Variants in PLA2G4A observed in about 807,000 individuals in gnomAD.
The protein encoded by PLA2G4A is cytosolic phospholipase A2.
A neutral mutation model predicts 81.9 loss-of-function variants in PLA2G4A; 40 were observed. That is an observed-to-expected ratio of 0.49 (90% confidence interval 0.38 to 0.64). PLA2G4A has a LOEUF of 0.64. Among genes scored for constraint, PLA2G4A ranks in the 30% least tolerant of loss-of-function variants. The pLI, the probability that PLA2G4A is intolerant of heterozygous loss-of-function variation, is 0.00. For missense variants in PLA2G4A, 715 were observed against 905.1 expected (o/e 0.79, Z 2.69); for synonymous variants, 302 against 296.9 (o/e 1.02, Z -0.18).
intron 7 of PLA2G4A, 91 bp from the exon 8 acceptor site, chr1:186,932,672 A>G: frequency 8.0e-7 from 1 of 1,253,972 alleles, no homozygotes. Context: ...GTGACAAAAT[A>G]TGGGATGTAT....
chr1:186,888,680 C>A (rs1047796356), intron 3 of PLA2G4A, among the ~76,000 whole-genome samples: 5 of 152,164 alleles, frequency 3.3e-5, no homozygotes, highest in African/African-American at 1.2e-4. Flanking sequence ...CCTATCAAGG[C>A]TGAACTGCTT....
At position 186,857,660 on chromosome 1, in the gene PLA2G4A, G is replaced by A. The variant is rs561713605; in HGVS notation, c.33+3273G>A. ...TAGGGTACATGTGCACAACGTGTAG[G>A]CTACATAGGTATATATTTGCCATGG... On this transcript the variant is annotated intron_variant, in intron 2 of 17. Coordinates refer to ENST00000367466, the MANE Select transcript of PLA2G4A (RefSeq NM_024420.3). Among the ~76,000 whole-genome samples, 4 of 150,082 alleles carry A rather than the reference G, an allele frequency of 2.7e-5. No individual in the cohort carries two copies. In the East Asian group the frequency reaches 7.8e-4, roughly 29 times the overall value.
chr1:186,877,705 CAAAAAAAAAAA>C (rs58954006), intron 3 of PLA2G4A, among the ~76,000 whole-genome samples: 2 of 86,914 alleles, frequency 2.3e-5, no homozygotes, highest in Non-Finnish European at 4.1e-5. Flanking sequence ...GGCTTACTCA[CAAAAAAAAAAA>C]AAAAAAAAAA....
intron 1 of PLA2G4A, among the ~76,000 whole-genome samples, chr1:186,829,886 G>C (rs925124145): frequency 6.6e-6 from 1 of 152,212 alleles, no homozygotes; most frequent in Non-Finnish European, 1.5e-5. Flanking sequence ...CATTTATTCA[G>C]CTAAGGCAGA....
chr1:186,915,072 A>G (rs1467392828), intron 7 of PLA2G4A, among the ~76,000 whole-genome samples: 2 of 152,156 alleles, frequency 1.3e-5, no homozygotes, highest in South Asian at 2.1e-4. Context: ...AGAGTTTTAA[A>G]TCCTCCTAGT....
chr1:186,960,001 T>A (rs1161989479), intron 14 of PLA2G4A, among the ~76,000 whole-genome samples: 1 of 152,138 alleles, frequency 6.6e-6, no homozygotes, highest in Non-Finnish European at 1.5e-5. Context: ...TGTGGGTGTT[T>A]TAGAATTAAA....
At chr1:186,973,538 C>T (rs1421469748) in intron 15 of PLA2G4A, among the ~76,000 whole-genome samples, 2 of 152,152 alleles carry the variant, frequency 1.3e-5, no homozygotes, top group Non-Finnish European at 2.9e-5. Context: ...CCATTCAACC[C>T]ACTACACTCA....
intron 7 of PLA2G4A, among the ~76,000 whole-genome samples, chr1:186,929,823 A>C (rs1421310239): frequency 1.3e-5 from 2 of 152,178 alleles, no homozygotes; most frequent in Admixed American, 6.5e-5. Context: ...GCAAGTTGGG[A>C]GGGCAAGGTG....
At chr1:186,943,463 G>T (rs572717357) in intron 10 of PLA2G4A, among the ~76,000 whole-genome samples, 1 of 152,232 alleles carries the variant, frequency 6.6e-6, no homozygotes, top group East Asian at 1.9e-4. Flanking sequence ...CCTCAAGAAA[G>T]TTATAATCCT....
intron 3 of PLA2G4A, among the ~76,000 whole-genome samples, chr1:186,878,858 TA>T (rs1289526458): frequency 6.6e-6 from 1 of 151,946 alleles, no homozygotes; most frequent in Admixed American, 6.6e-5. Context: ...AGTATGTGAT[TA>T]AAATCTAATG....
chr1:186,869,889 T>C (rs1653191628), intron 2 of PLA2G4A, among the ~76,000 whole-genome samples: 1 of 152,200 alleles, frequency 6.6e-6, no homozygotes, highest in Non-Finnish European at 1.5e-5. Context: ...ATGCAAGGTG[T>C]TAGGCTAATA....
intron 14 of PLA2G4A, among the ~76,000 whole-genome samples, chr1:186,963,592 C>T (rs1407913828): frequency 1.3e-5 from 2 of 152,096 alleles, no homozygotes; most frequent in African/African-American, 2.4e-5. Context: ...TATTCAAGAC[C>T]GTTATTCACA....
At chr1:186,986,174 G>A (rs1657885401) in intron 17 of PLA2G4A, among the ~76,000 whole-genome samples, 1 of 152,124 alleles carries the variant, frequency 6.6e-6, no homozygotes, top group African/African-American at 2.4e-5. Flanking sequence ...TTGCTCACTA[G>A]GAACACCAGC....
chr1:186,907,813 T>G (rs1654793986), intron 6 of PLA2G4A, among the ~76,000 whole-genome samples: 1 of 152,226 alleles, frequency 6.6e-6, no homozygotes, highest in Admixed American at 6.5e-5. Flanking sequence ...AGCAAGTGAT[T>G]GGCATAAATG....
chr1:186,900,205 T>G (rs1430758856), intron 5 of PLA2G4A, among the ~76,000 whole-genome samples: 4 of 152,188 alleles, frequency 2.6e-5, no homozygotes, highest in Non-Finnish European at 4.4e-5. Context: ...ATTCTCCTAC[T>G]TATTAACCAT....
chr1:186,895,553 CT>C (rs1402441687), intron 5 of PLA2G4A, among the ~76,000 whole-genome samples: 1 of 152,156 alleles, frequency 6.6e-6, no homozygotes, highest in Non-Finnish European at 1.5e-5. Context: ...AAGTTCTTCC[CT>C]CAATTATCTC....
intron 2 of PLA2G4A, among the ~76,000 whole-genome samples, chr1:186,862,066 TCA>T (rs1235149646): frequency 6.6e-6 from 1 of 150,912 alleles, no homozygotes; most frequent in Non-Finnish European, 1.5e-5. Context: ...TTTTCAATTT[TCA>T]GTTATTTTTA....
At chr1:186,919,187 G>A (rs1005246309) in intron 7 of PLA2G4A, among the ~76,000 whole-genome samples, 3 of 152,110 alleles carry the variant, frequency 2.0e-5, no homozygotes, top group Non-Finnish European at 2.9e-5. Flanking sequence ...GCTCCCAATC[G>A]CCCCTCTTTG....
intron 5 of PLA2G4A, among the ~76,000 whole-genome samples, chr1:186,895,707 C>G (rs372375013): frequency 1.3e-5 from 2 of 152,098 alleles, no homozygotes; most frequent in Admixed American, 6.6e-5. Context: ...GAATAAAGAA[C>G]GATTGTGTTG....
Sources: gnomAD v4.1 joint callset for allele counts (sites outside exome capture counted in the v4.1 genomes callset) on GRCh38, gnomAD v4.1.1 for gene constraint, MANE v1.5 for transcripts, NCBI Gene and HGNC (gene_info 2026-07-23, HGNC 2026-07-21) for gene names.